WDPCP: variants seen among roughly 807,000 people sequenced by gnomAD.
The protein encoded by WDPCP is WD repeat-containing and planar cell polarity effector protein fritz homolog.
Under a neutral mutation model 93.1 loss-of-function variants are expected in WDPCP, and 71 were observed. The observed-to-expected ratio is 0.76, with a 90% CI of 0.63 to 0.93. The LOEUF (loss-of-function observed/expected upper bound fraction) is 0.93, where lower values mean the gene tolerates loss of function less well. WDPCP is among the 40% of genes least tolerant of loss of function. The pLI is 0.00. For missense variants in WDPCP, 844 were observed against 887.4 expected (o/e 0.95, Z 0.62); for synonymous variants, 315 against 315.0 (o/e 1.00, Z 0.00).
upstream of WDPCP, chr2:63,589,819 T>C (rs184647853): frequency 3.5e-4 from 81 of 231,444 alleles, no homozygotes; most frequent in African/African-American, 1.7e-3. Context: ...AACTCTGGCG[T>C]AGGAATAATC....
chr2:63,725,862 C>T (rs1669489464), intron 2 of WDPCP, among the ~76,000 whole-genome samples: 1 of 151,672 alleles, frequency 6.6e-6, no homozygotes. Context: ...GAGAAGTGTC[C>T]ATTCATGTCA....
intron 13 of WDPCP, among the ~76,000 whole-genome samples, chr2:63,309,186 G>A (rs1428062300): frequency 6.6e-6 from 1 of 152,118 alleles, no homozygotes; most frequent in Admixed American, 6.6e-5. Flanking sequence ...TACACCACAA[G>A]CCCAATCCTC....
intron 15 of WDPCP, among the ~76,000 whole-genome samples, chr2:63,160,755 T>C (rs1348341105): frequency 2.0e-5 from 3 of 152,098 alleles, no homozygotes; most frequent in Non-Finnish European, 4.4e-5. Context: ...AATAAAATAA[T>C]CTAGGCAATG....
chr2:63,174,219 C>G (rs974658223), intron 15 of WDPCP, among the ~76,000 whole-genome samples: 1 of 151,888 alleles, frequency 6.6e-6, no homozygotes, highest in Non-Finnish European at 1.5e-5. Flanking sequence ...CATATTTATT[C>G]TTTATCTTCT....
At chr2:63,480,350 A>T (rs1700196747) in intron 6 of WDPCP, among the ~76,000 whole-genome samples, 1 of 152,036 alleles carries the variant, frequency 6.6e-6, no homozygotes, top group African/African-American at 2.4e-5. Flanking sequence ...CCCATCAAAT[A>T]CCACCACCAT....
chr2:63,497,729 A>G (rs553257582), intron 1 of WDPCP, among the ~76,000 whole-genome samples: 1 of 152,336 alleles, frequency 6.6e-6, no homozygotes, highest in Admixed American at 6.5e-5. Flanking sequence ...CACCAGTTAA[A>G]AAGAATGCTG....
intron 10 of WDPCP, among the ~76,000 whole-genome samples, chr2:63,401,573 G>A (rs991264991): frequency 1.3e-5 from 2 of 152,120 alleles, no homozygotes; most frequent in African/African-American, 2.4e-5. Context: ...CAGGATTTGA[G>A]ACCAGCTCAA....
At chr2:63,123,795 G>C (rs1322532663) in intron 17 of WDPCP, among the ~76,000 whole-genome samples, 1 of 151,418 alleles carries the variant, frequency 6.6e-6, no homozygotes, top group Non-Finnish European at 1.5e-5. Flanking sequence ...CAAAACTAAA[G>C]TTAACATGAA....
In WDPCP at chr2:63,338,566, AAAAATATATATATATAT is replaced by A. The variant is rs1246531191; in HGVS notation, c.1749-25272_1749-25256del. Among the ~76,000 whole-genome samples the A allele has an allele frequency of 6.1e-4, 6 of 9,916 alleles. No homozygotes were observed. The East Asian group carries it at 0.033, about 55-fold the overall frequency. 6.5% of individuals were successfully genotyped at this position (9,916 alleles called of 152,430 possible). A position where few individuals can be genotyped will look rare whatever the true frequency, so the allele number is the denominator to read the frequency against. On this transcript the variant is annotated intron_variant, in intron 12 of 17. Coordinates refer to ENST00000272321, the MANE Select transcript of WDPCP (RefSeq NM_015910.7). ...AAACTCCATCTAAAAAAAAAAAAAAAAAAATATATATATATATATATATATATATATATATATATATA... is the reference window on the plus strand; with the variant it reads ...AAACTCCATCTAAAAAAAAAAAAAAAATATATATATATATATATATATATA...
intron 6 of WDPCP, chr2:63,442,447 G>A (rs1168418934): frequency 6.6e-6 from 1 of 152,152 alleles, no homozygotes; most frequent in Non-Finnish European, 1.5e-5. Context: ...GCATAGATTA[G>A]TTATCTAACC....
intron 13 of WDPCP, among the ~76,000 whole-genome samples, chr2:63,277,015 G>T (rs1378537838): frequency 6.6e-6 from 1 of 152,120 alleles, no homozygotes; most frequent in Non-Finnish European, 1.5e-5. Context: ...ACCTATCAGA[G>T]TAACGCATAT....
At chr2:63,808,961 C>T (rs947772854) in intron 2 of WDPCP, among the ~76,000 whole-genome samples, 13 of 151,934 alleles carry the variant, frequency 8.6e-5, no homozygotes, top group African/African-American at 2.7e-4. Flanking sequence ...GGCCTCCCAT[C>T]ATCTGAGATG....
intron 10 of WDPCP, among the ~76,000 whole-genome samples, chr2:63,397,695 C>T (rs528995695): frequency 1.3e-5 from 2 of 152,222 alleles, no homozygotes; most frequent in African/African-American, 4.8e-5. Flanking sequence ...GAAAAGTCAT[C>T]AAACAATGTA....
intron 6 of WDPCP, among the ~76,000 whole-genome samples, chr2:63,459,129 G>C (rs1478240923): frequency 6.6e-6 from 1 of 151,942 alleles, no homozygotes; most frequent in Non-Finnish European, 1.5e-5. Context: ...GTAGTTCTAG[G>C]GAAAACTCTT....
At chr2:63,807,852 C>T (rs932835051) in intron 2 of WDPCP, among the ~76,000 whole-genome samples, 1 of 152,110 alleles carries the variant, frequency 6.6e-6, no homozygotes, top group Admixed American at 6.5e-5. Flanking sequence ...CAATTTAATT[C>T]TAATTTATAG....
At chr2:63,790,066 TC>T (rs1670524955) in intron 2 of WDPCP, among the ~76,000 whole-genome samples, 1 of 152,192 alleles carries the variant, frequency 6.6e-6, no homozygotes, top group African/African-American at 2.4e-5. Flanking sequence ...TTTAGGAAAC[TC>T]CCTTAACTAA....
chr2:63,327,620 G>A (rs909634915), intron 12 of WDPCP, among the ~76,000 whole-genome samples: 38 of 152,126 alleles, frequency 2.5e-4, no homozygotes, highest in African/African-American at 7.7e-4. Context: ...ACCAGTCAGG[G>A]ACAGTATGAG....
At chr2:63,774,157 G>A (rs1009946871) in intron 2 of WDPCP, among the ~76,000 whole-genome samples, 1 of 152,012 alleles carries the variant, frequency 6.6e-6, no homozygotes, top group Non-Finnish European at 1.5e-5. Context: ...GAAATTGTAG[G>A]TCAGAAATTA....
chr2:63,760,165 A>G (rs1670034747), intron 2 of WDPCP, among the ~76,000 whole-genome samples: 1 of 152,242 alleles, frequency 6.6e-6, no homozygotes, highest in African/African-American at 2.4e-5. Flanking sequence ...TTGAAGATAA[A>G]GTATTAAGAA....
Sources: allele counts gnomAD v4.1 joint callset (sites outside exome capture counted in the v4.1 genomes callset), GRCh38; gene constraint gnomAD v4.1.1; transcripts MANE v1.5; gene names NCBI Gene and HGNC (gene_info 2026-07-23, HGNC 2026-07-21).